The following ODAM variants were observed in gnomAD, a reference collection of about 807,000 sequenced individuals.
The protein encoded by ODAM is odontogenic ameloblast-associated protein.
A neutral mutation model predicts 48.5 loss-of-function variants in ODAM; 55 were observed. That is an observed-to-expected ratio of 1.13 (90% CI 0.91 to 1.42). The LOEUF is 1.42. Ranked by LOEUF, ODAM falls within the 40% of genes most tolerant of loss-of-function variation. The probability of loss-of-function intolerance (pLI) is 0.00; values close to 1 mark genes in which losing one functional copy is unlikely to be tolerated. For synonymous variants in ODAM, 127 were observed against 107.8 expected (o/e 1.18, Z -1.10); for missense variants, 353 against 323.6 (o/e 1.09, Z -0.70).
intron 7 of ODAM, among the ~76,000 whole-genome samples, chr4:70,201,050 C>A (rs778881465): frequency 1.8e-4 from 27 of 151,858 alleles, no homozygotes; most frequent in Admixed American, 1.6e-3. Flanking sequence ...TGTGAAACTG[C>A]AATAAATTTT....
chr4:70,200,636 CCA>C (rs1553905702), intron 7 of ODAM, 35 bp downstream of exon 7: 1 of 1,356,170 alleles, frequency 7.4e-7, no homozygotes. Flanking sequence ...CCTACTAGTT[CCA>C]CTTGAAAATA....
chr4:70,196,636 C>G (rs764666343), intron 2 of ODAM, 42 bp downstream of exon 2: 2 of 1,594,052 alleles, frequency 1.3e-6, no homozygotes, highest in East Asian at 4.5e-5. Context: ...TGTGTTAAAC[C>G]TTCAACAATC....
intron 6 of ODAM, 147 bp from the exon 7 acceptor site, chr4:70,200,350 G>C (rs1200621894): frequency 1.9e-6 from 1 of 531,766 alleles, no homozygotes; most frequent in African/African-American, 2.0e-5. Context: ...GTTTGGGAAG[G>C]GATTCTTCAT....
At chr4:70,201,871 AG>A in intron 8 of ODAM, among the ~76,000 whole-genome samples, 1 of 152,056 alleles carries the variant, frequency 6.6e-6, no homozygotes, top group Middle Eastern at 3.4e-3. Flanking sequence ...TAATGGGTAA[AG>A]AAGCATCAGT....
rs762975904 is a variant in ODAM at position 70,202,332 on chromosome 4, A to G, written c.648+3A>G. On this transcript the variant is annotated splice_donor_region_variant and intron_variant, in intron 9 of 11. Coordinates refer to ENST00000683306, the MANE Select transcript of ODAM (RefSeq NM_017855.4). ...CAGCTCCTGAAATTGCTGTGATGGT[A>G]AGATTCCTTACAACACTTTGCCAGC... The G allele has an allele frequency of 1.2e-6, 2 of 1,608,858 alleles. No homozygotes were observed. Among genetic ancestry groups the G allele is most frequent in the South Asian group, 2.2e-5 (2 of 90,948 alleles).
chr4:70,196,826 C>T, intron 3 of ODAM, 93 bp downstream of exon 3: 1 of 967,854 alleles, frequency 1.0e-6, no homozygotes, highest in Non-Finnish European at 1.6e-6. Flanking sequence ...TACTGTGTTC[C>T]TCACCACTAG....
Position 70,198,597 on chromosome 4 carries a change from T to C in ODAM, c.394T>C (p.Ser132Pro). 2 of 1,602,008 alleles carry C rather than the reference T, an allele frequency of 1.2e-6. No homozygotes were observed. The highest frequency in any genetic ancestry group is 2.3e-5 in the South Asian group (2 of 88,780). The change falls in exon 6 of 12, where the codon TCC (serine) becomes CCC (proline). Residue 132 changes from serine to proline, a missense_variant. Physicochemically the swap from Ser to Pro is moderately conservative, Grantham distance 74. Coordinates refer to ENST00000683306, the MANE Select transcript of ODAM (RefSeq NM_017855.4). ...TTGGCAGGTGATGCCCTATGTATTC[T>C]CCTTCAAAATGCCTCAAGAGCAAGG... ...GPSHVMPYVF[S>P]FKMPQEQGQM...
rs529273374 is a variant in ODAM at position 70,198,294 on chromosome 4, G to A, written c.375+137G>A. ...CTCATTATATGTTTCTACCATCGCT[G>A]TAAGTTCTTTCTTTTATTTTCTGAT... is the stretch of plus-strand genomic sequence containing the variant. On this transcript the variant is annotated intron_variant, in intron 5 of 11. Coordinates refer to ENST00000683306, the MANE Select transcript of ODAM (RefSeq NM_017855.4). 4.6e-5 allele frequency: 34 copies of A among 744,600 alleles called. No homozygotes were observed. The African/African-American group carries it at 5.7e-4, about 13-fold the overall frequency. The allele number at this position is 744,600 out of a possible 1,614,324, so 46.1% of individuals were successfully genotyped here.
Position 70,197,973 on chromosome 4 carries a change from A to C in ODAM, c.191A>C (p.Gln64Pro). Residue 64 changes from glutamine (Q) to proline (P), a missense_variant, in exon 5 of 12, where the codon CAG (glutamine) becomes CCG (proline). By Grantham distance (76) the Gln-to-Pro change is moderately conservative. Coordinates refer to ENST00000683306, the MANE Select transcript of ODAM (RefSeq NM_017855.4). ...IPPFSGILQQ[Q>P]QQAQIPGLSQ... ...CCTTTCTCTGGAATTTTACAACAGC[A>C]GCAGCAGGCTCAAATTCCAGGACTC... The C allele has an allele frequency of 6.2e-7, 1 of 1,613,350 alleles. No homozygotes were observed. The highest frequency in any genetic ancestry group is 8.5e-7 in the Non-Finnish European group (1 of 1,179,540).
chr4:70,202,377 A>G (rs1578239055), intron 9 of ODAM, 48 bp downstream of exon 9: 1 of 1,358,406 alleles, frequency 7.4e-7, no homozygotes, highest in Non-Finnish European at 1.1e-6. Context: ...TCAACAATTG[A>G]CAACTTACTG....
chr4:70,196,089 C>T (rs1373235255), intron 1 of ODAM, among the ~76,000 whole-genome samples: 1 of 151,916 alleles, frequency 6.6e-6, no homozygotes, highest in Non-Finnish European at 1.5e-5. Flanking sequence ...TGGTATTGGA[C>T]TGGTATTGTC....
At chr4:70,202,548 A>T (rs973382178) in intron 9 of ODAM, among the ~76,000 whole-genome samples, 1 of 151,904 alleles carries the variant, frequency 6.6e-6, no homozygotes, top group Non-Finnish European at 1.5e-5. Context: ...ATGCACCTTT[A>T]TTTAAAAGCA....
chr4:70,198,453 T>G lies in ODAM; in HGVS notation c.376-126T>G. 5 of 758,544 alleles carry G rather than the reference T, an allele frequency of 6.6e-6. No homozygotes were observed. The South Asian group carries it at 9.5e-5, about 14-fold the overall frequency. The allele number at this position is 758,544 out of a possible 1,614,324, so 47.0% of individuals were successfully genotyped here. A position where few individuals can be genotyped will look rare whatever the true frequency, so the allele number is the denominator to read the frequency against. ...TATGTCAGCACATGTAACGGATGAC[T>G]TTTTGTTGTGGAAACTTGTTAACAC... On this transcript the variant is annotated intron_variant, in intron 5 of 11. Transcript: ENST00000683306.
chr4:70,203,216 T>TAGGTATTTG lies in ODAM; in HGVS notation c.*29+3_*29+11dup. 6.4e-7 allele frequency: 1 copy of TAGGTATTTG among 1,559,806 alleles called. No individual in the cohort carries two copies. The highest frequency in any genetic ancestry group is 8.8e-7 in the Non-Finnish European group (1 of 1,132,586). On this transcript the variant is annotated splice_region_variant and intron_variant, in intron 11 of 11. Coordinates refer to ENST00000683306, the MANE Select transcript of ODAM (RefSeq NM_017855.4). Reference sequence around the variant, plus strand: ...TGCCCTGATCATTCAGACATTTTGGTAGGTATTTGCCAAAGTCAAGAATTA... The same window carrying TAGGTATTTG: ...TGCCCTGATCATTCAGACATTTTGGTAGGTATTTGAGGTATTTGCCAAAGTCAAGAATTA...
In ODAM at chr4:70,198,565, C is replaced by G; in HGVS notation, c.376-14C>G. On this transcript the variant is annotated splice_polypyrimidine_tract_variant and intron_variant, in intron 5 of 11. Coordinates refer to ENST00000683306, the MANE Select transcript of ODAM (RefSeq NM_017855.4). ...GTCAAGCATACATTTTTATATAATT[C>G]TTTTTTTTGGCAGGTGATGCCCTAT... 1 of 1,573,438 alleles carries G rather than the reference C, an allele frequency of 6.4e-7. No individual in the cohort carries two copies. The highest frequency in any genetic ancestry group is 8.6e-7 in the Non-Finnish European group (1 of 1,161,164).
At chr4:70,196,433 C>T (rs1729364459) in intron 1 of ODAM, 96 bp from the exon 2 acceptor site, 2 of 622,810 alleles carry the variant, frequency 3.2e-6, no homozygotes, top group Non-Finnish European at 5.4e-6. Flanking sequence ...CTATAGAATT[C>T]ACCCAGCTAT....
intron 8 of ODAM, 46 bp downstream of exon 8, chr4:70,201,547 C>A: frequency 1.0e-6 from 1 of 999,374 alleles, no homozygotes; most frequent in Non-Finnish European, 1.6e-6. Flanking sequence ...GAAACTACTT[C>A]CTTCATTGTC....
At chr4:70,198,557 A>G (rs1729430091) in intron 5 of ODAM, 22 bp from the exon 6 acceptor site, 1 of 1,569,130 alleles carries the variant, frequency 6.4e-7, no homozygotes, top group Non-Finnish European at 8.7e-7. Context: ...ATACATTTTT[A>G]TATAATTCTT....
chr4:70,200,589 G>T lies in ODAM; in HGVS notation c.516G>T (p.Gln172His). Residue 172 changes from glutamine (Q) to histidine (H), a missense_variant, in exon 7 of 12, where the codon CAG (glutamine) becomes CAT (histidine). Physicochemically the swap from Gln to His is conservative, Grantham distance 24. Coordinates refer to ENST00000683306, the MANE Select transcript of ODAM (RefSeq NM_017855.4). ...CACCTCAACAAACAAGACAGCAACA[G>T]TATGAGGAGCAGGTACTGCAAATGT... is the stretch of plus-strand genomic sequence containing the variant. Reference protein sequence around the residue: ...PRSPQQTRQQQYEEQIPFYAQ... With the variant: ...PRSPQQTRQQHYEEQIPFYAQ... 3.1e-6 allele frequency: 5 copies of T among 1,605,494 alleles called. No individual in the cohort carries two copies. The South Asian group carries it at 5.5e-5, about 18-fold the overall frequency.
Sources: gnomAD v4.1 joint callset for allele counts (sites outside exome capture counted in the v4.1 genomes callset) on GRCh38, gnomAD v4.1.1 for gene constraint, MANE v1.5 for transcripts, NCBI Gene and HGNC (gene_info 2026-07-23, HGNC 2026-07-21) for gene names.